Variants in PLEKHA7 observed in about 807,000 individuals in gnomAD.
PLEKHA7 encodes the protein pleckstrin homology domain-containing family A member 7.
PLEKHA7 carries 104 observed loss-of-function variants against 170.0 expected under a neutral mutation model. The ratio of observed to expected loss-of-function variants is 0.61; its 90% CI spans 0.52 to 0.72. The LOEUF (loss-of-function observed/expected upper bound fraction) is 0.72. PLEKHA7 is among the 30% of genes least tolerant of loss of function. The probability of loss-of-function intolerance (pLI) is 0.00; values close to 1 mark genes in which losing one functional copy is unlikely to be tolerated. For missense variants in PLEKHA7, 1,615 were observed against 1,671.7 expected (o/e 0.97, Z 0.59); for synonymous variants, 648 against 660.8 (o/e 0.98, Z 0.30).
At chr11:17,007,329 A>T (rs879666806) in intron 3 of PLEKHA7, among the ~76,000 whole-genome samples, 29 of 150,790 alleles carry the variant, frequency 1.9e-4, no homozygotes, top group Non-Finnish European at 2.2e-4. Flanking sequence ...AGAAAAAAAA[A>T]TTTTTTTTTT....
intron 9 of PLEKHA7, among the ~76,000 whole-genome samples, chr11:16,833,418 T>C (rs918503112): frequency 2.0e-5 from 3 of 152,196 alleles, no homozygotes; most frequent in African/African-American, 7.2e-5. Context: ...CTCACTTTAT[T>C]CATTCCTGCC....
At chr11:16,960,707 A>C (rs569085140) in intron 3 of PLEKHA7, among the ~76,000 whole-genome samples, 1 of 152,248 alleles carries the variant, frequency 6.6e-6, no homozygotes, top group African/African-American at 2.4e-5. Context: ...CTGCTCAGCC[A>C]CAGGAGAGGT....
chr11:17,013,940 ACCC>A, intron 3 of PLEKHA7, 46 bp downstream of exon 3: 2 of 1,297,762 alleles, frequency 1.5e-6, no homozygotes, highest in Non-Finnish European at 2.0e-6. Flanking sequence ...ACGGGGAGGG[ACCC>A]CCCCCCCGCG....
At chr11:16,806,740 C>A (rs918005989) in intron 13 of PLEKHA7, among the ~76,000 whole-genome samples, 1 of 152,228 alleles carries the variant, frequency 6.6e-6, no homozygotes, top group African/African-American at 2.4e-5. Flanking sequence ...ACCTTAATCT[C>A]AGGGCCACCG....
Position 16,959,896 on chromosome 11 carries a change from C to T in PLEKHA7, c.221+54093G>A, listed in dbSNP as rs559985464. ...TCCCCCCAGGTACCAGGAGGCAGGG[C>T]CTGCCTCCCCGGGCCAAGCCCAACT... On this transcript the variant is annotated intron_variant, in intron 3 of 26. Coordinates refer to ENST00000531066, the MANE Select transcript of PLEKHA7 (RefSeq NM_001329630.2). Among the ~76,000 whole-genome samples the T allele has an allele frequency of 3.3e-5, 5 of 152,178 alleles. No homozygotes were observed. In the East Asian group the frequency reaches 7.8e-4, roughly 24 times the overall value.
At chr11:16,967,683 C>A (rs1862458137) in intron 3 of PLEKHA7, among the ~76,000 whole-genome samples, 1 of 152,182 alleles carries the variant, frequency 6.6e-6, no homozygotes, top group Admixed American at 6.5e-5. Context: ...ATCAGCTCCC[C>A]TTCTGCAACA....
At chr11:17,013,916 G>A (rs1283227531) in intron 3 of PLEKHA7, 73 bp downstream of exon 3, 12 of 1,454,362 alleles carry the variant, frequency 8.3e-6, no homozygotes, top group African/African-American at 1.6e-5. Flanking sequence ...GGAAGGGCGG[G>A]GCGCCCGGCG....
At position 17,014,075 on chromosome 11, in the gene PLEKHA7, A is replaced by G. The variant is rs370165972; in HGVS notation, c.164-29T>C. Reference sequence around the variant, plus strand: ...CGGAAACGCCAGAAAAGTCGGGTCAAACTTGGGCCGCCGCTGCGCGCGCCC... The same window carrying G: ...CGGAAACGCCAGAAAAGTCGGGTCAGACTTGGGCCGCCGCTGCGCGCGCCC... On this transcript the variant is annotated intron_variant, in intron 2 of 26. Transcript: ENST00000531066. 1.3e-4 allele frequency: 206 copies of G among 1,579,200 alleles called. 1 individual carries two copies. The African/African-American group carries it at 2.6e-3, about 20-fold the overall frequency.
At chr11:16,900,765 T>A (rs988483937) in intron 3 of PLEKHA7, among the ~76,000 whole-genome samples, 1 of 152,088 alleles carries the variant, frequency 6.6e-6, no homozygotes, top group African/African-American at 2.4e-5. Flanking sequence ...GATCTCTCAC[T>A]TTTTTCCCCC....
At chr11:16,904,838 G>T (rs1044727853) in intron 3 of PLEKHA7, among the ~76,000 whole-genome samples, 3 of 152,002 alleles carry the variant, frequency 2.0e-5, no homozygotes, top group Non-Finnish European at 4.4e-5. Context: ...AAAAGATAAC[G>T]CAATGTTAAC....
At chr11:17,013,198 A>G (rs752209822) in intron 3 of PLEKHA7, 2 of 152,516 alleles carry the variant, frequency 1.3e-5, no homozygotes, top group Non-Finnish European at 2.9e-5. Flanking sequence ...GTGGGAAAGC[A>G]AAGCCTGTAC....
At chr11:16,877,225 G>GC (rs1855367995) in intron 3 of PLEKHA7, among the ~76,000 whole-genome samples, 1 of 149,248 alleles carries the variant, frequency 6.7e-6, no homozygotes, top group Non-Finnish European at 1.5e-5. Context: ...ATTCAGCACT[G>GC]CCCCCAGGCT....
chr11:16,907,341 G>A (rs1480644688), intron 3 of PLEKHA7, among the ~76,000 whole-genome samples: 34 of 132,992 alleles, frequency 2.6e-4, no homozygotes, highest in African/African-American at 8.5e-4. Context: ...ACTGGGAAGA[G>A]AGGAGCCCCT....
intron 3 of PLEKHA7, among the ~76,000 whole-genome samples, chr11:16,879,065 G>A (rs182690059): frequency 5.9e-5 from 9 of 152,244 alleles, no homozygotes; most frequent in East Asian, 3.9e-4. Flanking sequence ...AAATTACTGC[G>A]TGATTAAAAA....
rs1381706834 is a variant in PLEKHA7, at chr11:16,976,675, T to G, written c.221+37314A>C. 2.0e-5 allele frequency among the ~76,000 whole-genome samples: 3 copies of G among 152,238 alleles called. No individual in the cohort carries two copies. The South Asian group carries it at 6.2e-4, about 32-fold the overall frequency. ...GACCCTCCTCTGTAAGCCACACTTC[T>G]GCAAAGAGAAGTAATGCTTTCCCTC... On this transcript the variant is annotated intron_variant, in intron 3 of 26. Coordinates refer to ENST00000531066, the MANE Select transcript of PLEKHA7 (RefSeq NM_001329630.2).
At position 16,816,945 on chromosome 11, in the gene PLEKHA7, G is replaced by C. The variant is rs199983115; in HGVS notation, c.1721C>G (p.Pro574Arg). The change falls in exon 11 of 27, where the codon CCT (proline) becomes CGT (arginine). Residue 574 changes from proline to arginine, a missense_variant. Pro to Arg is a moderately radical substitution (Grantham distance 103). Transcript: ENST00000531066. Reference sequence around the variant, plus strand: ...GAAGACCCTTGGGGGTCCTGGGGGAGGGATGTCCGAGGGAGATGGAGGCAC... The same window carrying C: ...GAAGACCCTTGGGGGTCCTGGGGGACGGATGTCCGAGGGAGATGGAGGCAC... The part of the protein sequence containing the change: ...ISVPPSPSDI[P>R]PPGPPRVFPP... 1 of 1,613,086 alleles carries C rather than the reference G, an allele frequency of 6.2e-7. No homozygotes were observed. The highest frequency in any genetic ancestry group is 1.1e-5 in the South Asian group (1 of 90,942).
intron 3 of PLEKHA7, among the ~76,000 whole-genome samples, chr11:17,007,003 C>T (rs1865038007): frequency 6.6e-6 from 1 of 152,252 alleles, no homozygotes; most frequent in South Asian, 2.1e-4. Flanking sequence ...CCAGAGGTAA[C>T]CTTCTGAAGG....
Position 16,973,776 on chromosome 11 carries a change from T to C in PLEKHA7, c.221+40213A>G, listed in dbSNP as rs537557491. 7.9e-5 allele frequency among the ~76,000 whole-genome samples: 12 copies of C among 152,206 alleles called. No homozygotes were observed. The South Asian group carries it at 2.5e-3, about 32-fold the overall frequency. On this transcript the variant is annotated intron_variant, in intron 3 of 26. Coordinates refer to ENST00000531066, the MANE Select transcript of PLEKHA7 (RefSeq NM_001329630.2). Reference sequence around the variant, plus strand: ...CCTGTCACCACTCTGCCCTCCAACCTGAGTCTCCCTCTGGAGTGTTCCTCC... The same window carrying C: ...CCTGTCACCACTCTGCCCTCCAACCCGAGTCTCCCTCTGGAGTGTTCCTCC...
intron 3 of PLEKHA7, among the ~76,000 whole-genome samples, chr11:16,993,813 C>CAAAGGAAAAT (rs1864182605): frequency 6.6e-6 from 1 of 152,034 alleles, no homozygotes. Flanking sequence ...CAGGAGAGAC[C>CAAAGGAAAAT]AAAGGAAAAT....
Sources: allele counts gnomAD v4.1 joint callset (sites outside exome capture counted in the v4.1 genomes callset), GRCh38; gene constraint gnomAD v4.1.1; transcripts MANE v1.5; gene names NCBI Gene and HGNC (gene_info 2026-07-23, HGNC 2026-07-21).